The following COLGALT2 variants were observed in gnomAD, a reference collection of about 807,000 sequenced individuals.
The protein encoded by COLGALT2 is procollagen galactosyltransferase 2.
Under a neutral mutation model 73.4 loss-of-function variants are expected in COLGALT2, and 49 were observed. The observed-to-expected ratio is 0.67, with a 90% CI of 0.53 to 0.85. COLGALT2 has a LOEUF of 0.85. Among genes scored for constraint, COLGALT2 ranks in the 40% least tolerant of loss-of-function variants. The pLI, the probability that COLGALT2 is intolerant of heterozygous loss-of-function variation, is 0.00. For missense variants in COLGALT2, 722 were observed against 790.2 expected, an observed-to-expected ratio of 0.91 and a Z score of 1.03; for synonymous variants, 295 against 307.6, an observed-to-expected ratio of 0.96 and a Z score of 0.43.
intron 1 of COLGALT2, among the ~76,000 whole-genome samples, chr1:184,034,966 G>A (rs1649626684): frequency 6.6e-6 from 1 of 152,140 alleles, no homozygotes. Flanking sequence ...TTGTATTATT[G>A]TTACCTAAAG....
chr1:183,946,783 C>T (rs572947080), intron 8 of COLGALT2, among the ~76,000 whole-genome samples: 10 of 152,208 alleles, frequency 6.6e-5, no homozygotes, highest in East Asian at 3.9e-4. Flanking sequence ...TGTAATCCCA[C>T]GACTTTGGGA....
intron 1 of COLGALT2, among the ~76,000 whole-genome samples, chr1:183,991,355 A>G (rs551642907): frequency 1.1e-4 from 17 of 152,320 alleles, no homozygotes; most frequent in African/African-American, 4.1e-4. Context: ...TGATTTTTTT[A>G]AAAAGCCATC....
At chr1:184,031,182 G>T (rs74132777) in intron 1 of COLGALT2, among the ~76,000 whole-genome samples, 5,186 of 152,214 alleles carry the variant, frequency 0.034, 269 homozygotes, top group African/African-American at 0.12. Context: ...TGATTAAAAA[G>T]CCTGAAAAAT....
chr1:183,942,884 C>T (rs909241213), intron 10 of COLGALT2, among the ~76,000 whole-genome samples: 13 of 152,220 alleles, frequency 8.5e-5, no homozygotes, highest in African/African-American at 2.7e-4. Context: ...TGAACGGGAA[C>T]GTATGCCAGC....
intron 1 of COLGALT2, among the ~76,000 whole-genome samples, chr1:184,022,585 T>TG (rs769324180): frequency 6.6e-6 from 1 of 152,188 alleles, no homozygotes; most frequent in Non-Finnish European, 1.5e-5. Flanking sequence ...TCTGCTCCTT[T>TG]GACATCAAAA....
chr1:184,001,088 C>T (rs1671912188), intron 1 of COLGALT2, among the ~76,000 whole-genome samples: 1 of 152,140 alleles, frequency 6.6e-6, no homozygotes, highest in Non-Finnish European at 1.5e-5. Flanking sequence ...CTGCCTCGGC[C>T]TCCCGAAGTG....
At chr1:184,015,621 A>G (rs1572678844) in intron 1 of COLGALT2, among the ~76,000 whole-genome samples, 1 of 152,192 alleles carries the variant, frequency 6.6e-6, no homozygotes, top group African/African-American at 2.4e-5. Flanking sequence ...GTAGGTACCT[A>G]TGGAGTATTC....
At chr1:183,980,435 A>G (rs944962802) in intron 1 of COLGALT2, among the ~76,000 whole-genome samples, 1 of 152,096 alleles carries the variant, frequency 6.6e-6, no homozygotes, top group Non-Finnish European at 1.5e-5. Context: ...TGTGTAAGCA[A>G]CTACTTTGTA....
chr1:184,006,659 T>G (rs1408906941), intron 1 of COLGALT2, among the ~76,000 whole-genome samples: 2 of 151,996 alleles, frequency 1.3e-5, no homozygotes, highest in Non-Finnish European at 2.9e-5. Flanking sequence ...CTAACATAAC[T>G]GAGGCTATTT....
chr1:183,948,682 A>T (rs2102794179), intron 8 of COLGALT2, among the ~76,000 whole-genome samples: 1 of 152,304 alleles, frequency 6.6e-6, no homozygotes, highest in East Asian at 1.9e-4. Context: ...ACTGCACTCA[A>T]CAGTTCTATT....
intron 1 of COLGALT2, among the ~76,000 whole-genome samples, chr1:184,024,918 T>A (rs2102857688): frequency 6.6e-6 from 1 of 152,316 alleles, no homozygotes; most frequent in South Asian, 2.1e-4. Context: ...AGATTATCAG[T>A]AGCAAAGTCT....
chr1:183,945,129 A>G (rs1410793791), intron 9 of COLGALT2, among the ~76,000 whole-genome samples: 1 of 152,192 alleles, frequency 6.6e-6, no homozygotes, highest in Non-Finnish European at 1.5e-5. Context: ...TCACTTAATA[A>G]GTGATGTCAT....
At chr1:184,024,903 CAAG>C (rs912577777) in intron 1 of COLGALT2, among the ~76,000 whole-genome samples, 3 of 152,280 alleles carry the variant, frequency 2.0e-5, no homozygotes, top group Middle Eastern at 3.4e-3. Context: ...TTGGGCCTCA[CAAG>C]AAGATTATCA....
chr1:184,030,698 G>A (rs1379340113), intron 1 of COLGALT2, among the ~76,000 whole-genome samples: 1 of 152,132 alleles, frequency 6.6e-6, no homozygotes, highest in African/African-American at 2.4e-5. Context: ...TATGTATTTG[G>A]AGTCACAAAG....
intron 1 of COLGALT2, among the ~76,000 whole-genome samples, chr1:184,008,533 C>A (rs1672143107): frequency 6.6e-6 from 1 of 152,040 alleles, no homozygotes; most frequent in African/African-American, 2.4e-5. Flanking sequence ...AGTTTGAGAC[C>A]AGCCTGAGCA....
chr1:183,954,811 T>C lies in COLGALT2; in HGVS notation c.980A>G (p.Gln327Arg). ...ATATTTAGGGACAACTGAGACATAC[T>C]GGGAGGGTTCCATTGGAGGACGGTC... ...MIDRPPMEPS[Q>R]YVSVVPKYPD... Residue 327 changes from glutamine to arginine, a missense_variant, in exon 7 of 12, where the codon CAG becomes CGG. By Grantham distance (43) the Gln-to-Arg change is conservative. Coordinates refer to ENST00000361927, the MANE Select transcript of COLGALT2 (RefSeq NM_015101.4). The C allele has an allele frequency of 6.2e-7, 1 of 1,613,392 alleles. No homozygotes were observed. The highest frequency in any genetic ancestry group is 1.3e-5 in the African/African-American group (1 of 74,982).
intron 5 of COLGALT2, among the ~76,000 whole-genome samples, chr1:183,965,355 T>A (rs1030904039): frequency 6.6e-6 from 1 of 152,200 alleles, no homozygotes; most frequent in Non-Finnish European, 1.5e-5. Flanking sequence ...CTATCCAAAT[T>A]ATCCATCAAG....
intron 1 of COLGALT2, among the ~76,000 whole-genome samples, chr1:183,981,741 C>T (rs758328734): frequency 2.6e-5 from 4 of 152,030 alleles, no homozygotes; most frequent in Non-Finnish European, 4.4e-5. Flanking sequence ...TTTTAAATTG[C>T]CACTAAATAT....
intron 8 of COLGALT2, among the ~76,000 whole-genome samples, chr1:183,947,439 A>G (rs1287233574): frequency 6.6e-6 from 1 of 152,250 alleles, no homozygotes; most frequent in Non-Finnish European, 1.5e-5. Context: ...GTTTGAAATT[A>G]AAAATCAATA....
Sources: gnomAD v4.1 joint callset for allele counts (sites outside exome capture counted in the v4.1 genomes callset) on GRCh38, gnomAD v4.1.1 for gene constraint, MANE v1.5 for transcripts, NCBI Gene and HGNC (gene_info 2026-07-23, HGNC 2026-07-21) for gene names.